BBC3: variants seen among roughly 807,000 people sequenced by gnomAD.
BBC3 encodes the protein bcl-2-binding component 3.
Under a neutral mutation model 18.2 loss-of-function variants are expected in BBC3, and 5 were observed. That is an observed-to-expected ratio of 0.27 (90% CI 0.14 to 0.58). The LOEUF (loss-of-function observed/expected upper bound fraction) is 0.58. BBC3 is among the 20% of genes least tolerant of loss of function. The pLI is 0.91. For synonymous variants in BBC3, 119 were observed against 128.0 expected (o/e 0.93, Z 0.47); for missense variants, 224 against 268.9 (o/e 0.83, Z 1.17).
At chr19:47,226,061 C>A (rs1485738805) in intron 3 of BBC3, among the ~76,000 whole-genome samples, 2 of 151,570 alleles carry the variant, frequency 1.3e-5, no homozygotes, top group Admixed American at 6.6e-5. Context: ...TTTAAAAAAT[C>A]GAGGCCGTGC....
upstream of BBC3, among the ~76,000 whole-genome samples, chr19:47,231,694 C>G (rs533670613): frequency 3.9e-5 from 6 of 152,262 alleles, no homozygotes; most frequent in Non-Finnish European, 5.9e-5. The surrounding 1 kb of genome is among the most constrained non-coding windows in gnomAD (Gnocchi z 4.0). Flanking sequence ...TACACACACC[C>G]AGACGGAAAT....
rs1340620715 is a variant in BBC3 at position 47,228,640 on chromosome 19, C to A, written c.-15-194G>T. Among the ~76,000 whole-genome samples, 1 of 151,946 alleles carries A rather than the reference C, an allele frequency of 6.6e-6. No homozygotes were observed. The highest frequency in any genetic ancestry group is 6.6e-5 in the Admixed American group (1 of 15,266). On this transcript the variant is annotated intron_variant, in intron 1 of 3. Transcript: ENST00000439096. The surrounding 1 kb of genome is among the most constrained non-coding windows in gnomAD (Gnocchi z 5.5). ...GTCCTGGCTGGCCTGGAGAGCCTCC[C>A]GTGCATACGGTGATGGGCACACAGG...
chr19:47,222,041 C>A (rs145749398), intron 3 of BBC3, 123 bp from the exon 4 acceptor site: 127 of 854,150 alleles, frequency 1.5e-4, no homozygotes, highest in Non-Finnish European at 2.0e-4. Flanking sequence ...CTCCTCCCCC[C>A]GCCTGGGCTA....
chr19:47,226,831 TC>T, intron 2 of BBC3, 77 bp from the exon 3 acceptor site: 1 of 1,201,188 alleles, frequency 8.3e-7, no homozygotes, highest in Non-Finnish European at 1.1e-6. Context: ...CTCCCCTCTT[TC>T]CCAGCCACTG....
intron 3 of BBC3, 142 bp from the exon 4 acceptor site, chr19:47,222,060 G>GTC: frequency 1.4e-6 from 1 of 690,974 alleles, no homozygotes; most frequent in South Asian, 2.2e-5. Context: ...TAATGTCCAT[G>GTC]TCTCGGAGGT....
In BBC3 at chr19:47,221,392, G is replaced by A; in HGVS notation, c.*410C>T. 3.2e-6 allele frequency: 1 copy of A among 309,694 alleles called. No individual in the cohort carries two copies. The highest frequency in any genetic ancestry group is 7.7e-5 in the East Asian group (1 of 12,994). The allele number at this position is 309,694 out of a possible 1,614,324, so 19.2% of individuals were successfully genotyped here. A position where few individuals can be genotyped will look rare whatever the true frequency, so the allele number is the denominator to read the frequency against. ...GGGGGGGAAGCACCAGGGGCCTGAG[G>A]CCAGGCCCAGAGTGAAGGAGCACCG... On this transcript the variant is annotated 3_prime_UTR_variant, in exon 4 of 4. Coordinates refer to ENST00000439096, the MANE Select transcript of BBC3 (RefSeq NM_014417.5).
At position 47,228,532 on chromosome 19, in the gene BBC3, TGGA is replaced by T; in HGVS notation, c.-15-89_-15-87del. The T allele has an allele frequency of 8.7e-7, 1 of 1,151,434 alleles. No individual in the cohort carries two copies. Among genetic ancestry groups the T allele is most frequent in the Middle Eastern group, 3.2e-4 (1 of 3,134 alleles). The allele number at this position is 1,151,434 out of a possible 1,614,324, so 71.3% of individuals were successfully genotyped here. A position where few individuals can be genotyped will look rare whatever the true frequency, so the allele number is the denominator to read the frequency against. On this transcript the variant is annotated intron_variant, in intron 1 of 3. Coordinates refer to ENST00000439096, the MANE Select transcript of BBC3 (RefSeq NM_014417.5). This position sits in a 1 kb window ranked among gnomAD's most constrained non-coding sequence, Gnocchi z 5.5. ...AGCCTACCCGGGGTTAGGACCCAGA[TGGA>T]GAAGAGTGGAGGTGTGTGTGCATGC...
chr19:47,232,497 A>G (rs1462744537), upstream of BBC3: 3 of 1,543,192 alleles, frequency 1.9e-6, no homozygotes, highest in Non-Finnish European at 2.6e-6. Flanking sequence ...CGGAGCATGC[A>G]CACCTGGCCA....
intron 3 of BBC3, among the ~76,000 whole-genome samples, chr19:47,226,229 T>G (rs1410194347): frequency 2.6e-5 from 4 of 151,464 alleles, no homozygotes; most frequent in Non-Finnish European, 5.9e-5. Flanking sequence ...TCACCGGCTA[T>G]AAATAGCCCG....
At chr19:47,222,891 G>A (rs966361514) in intron 3 of BBC3, among the ~76,000 whole-genome samples, 1 of 151,082 alleles carries the variant, frequency 6.6e-6, no homozygotes, top group African/African-American at 2.4e-5. Flanking sequence ...GCTTGAACCT[G>A]GGAAGTGGAG....
chr19:47,231,979 C>T (rs2058919761), upstream of BBC3, among the ~76,000 whole-genome samples: 1 of 152,218 alleles, frequency 6.6e-6, no homozygotes, highest in Non-Finnish European at 1.5e-5. The surrounding 1 kb of genome is among the most constrained non-coding windows in gnomAD (Gnocchi z 4.0). Flanking sequence ...GGATACACGG[C>T]CAAATCCAAA....
upstream of BBC3, chr19:47,232,744 T>C (rs911914030): frequency 4.0e-5 from 28 of 693,260 alleles, no homozygotes; most frequent in African/African-American, 4.5e-4. Context: ...CCTTACTGGG[T>C]CTCACCCAAT....
chr19:47,221,433 C>CCA lies in BBC3; in HGVS notation c.*368_*369insTG, dbSNP rs1555798913. On this transcript the variant is annotated 3_prime_UTR_variant, in exon 4 of 4. Coordinates refer to ENST00000439096, the MANE Select transcript of BBC3 (RefSeq NM_014417.5). ...AGGAGCACCGAGAGGAGAGCCCCCC[C>CCA]CTCCCAGTGTCACCCCTGCAGCTGG... The CCA allele has an allele frequency of 6.3e-5, 16 of 254,386 alleles. 2 individuals carry two copies. Among genetic ancestry groups the CCA allele is most frequent in the African/African-American group, 2.0e-4 (8 of 40,748 alleles). The allele number at this position is 254,386 out of a possible 1,614,324, so 15.8% of individuals were successfully genotyped here.
chr19:47,226,284 G>A (rs866889387), intron 3 of BBC3, among the ~76,000 whole-genome samples: 10 of 151,812 alleles, frequency 6.6e-5, no homozygotes, highest in African/African-American at 2.4e-5. Flanking sequence ...AGTCCCCGCG[G>A]CCGCGGGCCA....
intron 3 of BBC3, 161 bp from the exon 4 acceptor site, chr19:47,222,079 C>T: frequency 1.6e-6 from 1 of 606,698 alleles, no homozygotes; most frequent in East Asian, 3.1e-5. Context: ...GTCACATCCT[C>T]ATCCAGGACA....
At position 47,228,183 on chromosome 19, in the gene BBC3, G is replaced by T; in HGVS notation, c.249C>A (p.Ser83Arg). Residue 83 changes from serine (S) to arginine (R), a missense_variant, in exon 2 of 4, where the codon AGC (serine) becomes AGA (arginine). Physicochemically the swap from Ser to Arg is moderately radical, Grantham distance 110. Transcript: ENST00000439096. This position sits in a 1 kb window ranked among gnomAD's most constrained non-coding sequence, Gnocchi z 5.5. ...CGTCCGGGCGCGGGCCTCGGGGCCG[G>T]CTGCGGGGACCCCCAGGCCAGCGGG... is the stretch of plus-strand genomic sequence containing the variant. ...GGSRWPGGPR[S>R]RPRGPRPDGP... 1 of 1,224,222 alleles carries T rather than the reference G, an allele frequency of 8.2e-7. No homozygotes were observed. Among genetic ancestry groups the T allele is most frequent in the Non-Finnish European group, 1.0e-6 (1 of 983,152 alleles). The allele number at this position is 1,224,222 out of a possible 1,614,324, so 75.8% of individuals were successfully genotyped here. A position where few individuals can be genotyped will look rare whatever the true frequency, so the allele number is the denominator to read the frequency against.
chr19:47,227,747 T>C (rs918490230), intron 2 of BBC3, among the ~76,000 whole-genome samples: 7 of 151,676 alleles, frequency 4.6e-5, no homozygotes, highest in Non-Finnish European at 1.0e-4. Context: ...GCCAAAGAGA[T>C]GCAAATAAAA....
In BBC3 at chr19:47,221,437, C is replaced by CA. The variant is rs1555798921; in HGVS notation, c.*364_*365insT. On this transcript the variant is annotated 3_prime_UTR_variant, in exon 4 of 4. Coordinates refer to ENST00000439096, the MANE Select transcript of BBC3 (RefSeq NM_014417.5). Reference sequence around the variant, plus strand: ...GCACCGAGAGGAGAGCCCCCCCCTCCCAGTGTCACCCCTGCAGCTGGAACG... The same window carrying CA: ...GCACCGAGAGGAGAGCCCCCCCCTCCACAGTGTCACCCCTGCAGCTGGAACG... 35 of 255,928 alleles carry CA rather than the reference C, an allele frequency of 1.4e-4. 1 individual carries two copies. Among genetic ancestry groups the CA allele is most frequent in the African/African-American group, 8.1e-4 (34 of 42,042 alleles). The allele number at this position is 255,928 out of a possible 1,614,324, so 15.9% of individuals were successfully genotyped here.
Position 47,230,149 on chromosome 19 carries a change from AG to A in BBC3, c.-16+779del, listed in dbSNP as rs985885501. ...GACAACTCTCACCGACAACACACGCAGGTCCACCCACCCCACAAGCAGGGCA... is the reference window on the plus strand; with the variant it reads ...GACAACTCTCACCGACAACACACGCAGTCCACCCACCCCACAAGCAGGGCA... On this transcript the variant is annotated intron_variant, in intron 1 of 3. Transcript: ENST00000439096. This position sits in a 1 kb window ranked among gnomAD's most constrained non-coding sequence, Gnocchi z 6.7. Among the ~76,000 whole-genome samples, 3 of 151,868 alleles carry A rather than the reference AG, an allele frequency of 2.0e-5. No individual in the cohort carries two copies. Among genetic ancestry groups the A allele is most frequent in the African/African-American group, 7.3e-5 (3 of 41,334 alleles).
Sources: allele counts gnomAD v4.1 joint callset (sites outside exome capture counted in the v4.1 genomes callset), GRCh38; gene constraint gnomAD v4.1.1; non-coding constraint Gnocchi (gnomAD v3.1); transcripts MANE v1.5; gene names NCBI Gene and HGNC (gene_info 2026-07-23, HGNC 2026-07-21).